PCCA: variants seen among roughly 807,000 people sequenced by gnomAD.
The protein encoded by PCCA is propionyl-CoA carboxylase alpha chain, mitochondrial.
PCCA carries 74 observed loss-of-function variants against 101.3 expected under a neutral mutation model. The ratio of observed to expected loss-of-function variants is 0.73; its 90% CI spans 0.61 to 0.89. The LOEUF (loss-of-function observed/expected upper bound fraction) is 0.89, where lower values mean the gene tolerates loss of function less well. PCCA is among the 40% of genes least tolerant of loss of function. The pLI, the probability that PCCA is intolerant of heterozygous loss-of-function variation, is 0.00. For missense variants in PCCA, 891 were observed against 907.0 expected, an observed-to-expected ratio of 0.98 and a Z score of 0.23; for synonymous variants, 294 against 313.6, an observed-to-expected ratio of 0.94 and a Z score of 0.66.
chr13:100,337,522 A>C (rs2070687501), intron 17 of PCCA, among the ~76,000 whole-genome samples: 1 of 152,246 alleles, frequency 6.6e-6, no homozygotes, highest in South Asian at 2.1e-4. Flanking sequence ...TTGTAAGAAT[A>C]GGTCAGTTAT....
chr13:100,499,392 G>C (rs908642531), intron 21 of PCCA, among the ~76,000 whole-genome samples: 1 of 152,222 alleles, frequency 6.6e-6, no homozygotes, highest in African/African-American at 2.4e-5. Context: ...TTGTGATTCT[G>C]ATGTTGATGA....
intron 21 of PCCA, among the ~76,000 whole-genome samples, chr13:100,497,997 G>A (rs1255899321): frequency 8.6e-5 from 13 of 151,892 alleles, no homozygotes; most frequent in Admixed American, 8.5e-4. Flanking sequence ...AGCCTCATGA[G>A]TAGCTAGGAT....
intron 6 of PCCA, among the ~76,000 whole-genome samples, chr13:100,164,950 C>G (rs1002090228): frequency 1.6e-4 from 25 of 151,950 alleles, no homozygotes; most frequent in African/African-American, 5.8e-4. Flanking sequence ...AAGATTTGTT[C>G]TTTTATGTCT....
At chr13:100,526,354 GGT>G (rs2087813930) in intron 22 of PCCA, among the ~76,000 whole-genome samples, 1 of 152,204 alleles carries the variant, frequency 6.6e-6, no homozygotes, top group African/African-American at 2.4e-5. Flanking sequence ...TCCTCAGCGC[GGT>G]GTCTCTCCTC....
intron 7 of PCCA, among the ~76,000 whole-genome samples, chr13:100,212,529 C>T (rs2059279095): frequency 6.6e-6 from 1 of 152,166 alleles, no homozygotes; most frequent in Non-Finnish European, 1.5e-5. Context: ...GTGGAGAATT[C>T]ACTCAGATAG....
At chr13:100,507,358 C>A (rs1247077221) in intron 21 of PCCA, among the ~76,000 whole-genome samples, 1 of 152,218 alleles carries the variant, frequency 6.6e-6, no homozygotes, top group Non-Finnish European at 1.5e-5. Context: ...GGCACACCTG[C>A]ACACATGGCA....
At chr13:100,243,981 T>C (rs2061299091) in intron 8 of PCCA, among the ~76,000 whole-genome samples, 1 of 152,228 alleles carries the variant, frequency 6.6e-6, no homozygotes, top group African/African-American at 2.4e-5. Context: ...ATTTTGTCTA[T>C]TTCATGCAGC....
intron 4 of PCCA, among the ~76,000 whole-genome samples, chr13:100,128,707 T>A (rs2050200329): frequency 6.6e-6 from 1 of 152,160 alleles, no homozygotes; most frequent in African/African-American, 2.4e-5. Flanking sequence ...TTAAGTCCAG[T>A]GGACATTTTT....
chr13:100,381,968 A>G (rs1169956493), intron 19 of PCCA, among the ~76,000 whole-genome samples: 1 of 152,222 alleles, frequency 6.6e-6, no homozygotes, highest in East Asian at 1.9e-4. Flanking sequence ...GTGACTCCCA[A>G]AGCCCCAGAG....
At chr13:100,222,936 A>C (rs2059909654) in intron 7 of PCCA, among the ~76,000 whole-genome samples, 1 of 152,296 alleles carries the variant, frequency 6.6e-6, no homozygotes, top group Admixed American at 6.5e-5. Flanking sequence ...GGTCTTCTGC[A>C]ACTCTTCTTT....
chr13:100,390,478 G>T (rs1194278335), intron 19 of PCCA, among the ~76,000 whole-genome samples: 1 of 152,162 alleles, frequency 6.6e-6, no homozygotes. Context: ...TTGAACACGG[G>T]TTGAATTGAG....
intron 6 of PCCA, among the ~76,000 whole-genome samples, chr13:100,188,985 C>T (rs567628047): frequency 1.1e-4 from 16 of 151,986 alleles, no homozygotes; most frequent in African/African-American, 3.4e-4. Flanking sequence ...TTTGCTGCAC[C>T]CATCAACCCG....
intron 7 of PCCA, among the ~76,000 whole-genome samples, chr13:100,234,006 G>A (rs1163796503): frequency 1.3e-5 from 2 of 151,872 alleles, no homozygotes; most frequent in Admixed American, 6.6e-5. Context: ...TTGCCTGTTA[G>A]TTCTCTCAAG....
chr13:100,458,752 C>T (rs2081976783), intron 21 of PCCA, among the ~76,000 whole-genome samples: 1 of 152,096 alleles, frequency 6.6e-6, no homozygotes, highest in Non-Finnish European at 1.5e-5. Context: ...AAAATTTGTG[C>T]CTTTATGACC....
rs545099849 is a variant in PCCA, at chr13:100,259,671, T to A, written c.716+1998T>A. Among the ~76,000 whole-genome samples the A allele has an allele frequency of 2.6e-5, 4 of 152,252 alleles. No individual in the cohort carries two copies. The South Asian group carries it at 8.3e-4, about 32-fold the overall frequency. On this transcript the variant is annotated intron_variant, in intron 9 of 23. Transcript: ENST00000376285. ...AAATTTGGGTGAGAATTATGAAGAT[T>A]GTTGAAGGTTCACTTAGATATTTTC...
At chr13:100,426,022 T>C (rs79673237) in intron 20 of PCCA, among the ~76,000 whole-genome samples, 14,771 of 152,190 alleles carry the variant, frequency 0.097, 773 homozygotes, top group South Asian at 0.15. Context: ...TGTTTTTTTT[T>C]TTCCTCTGTG....
At chr13:100,375,505 CT>C (rs1186015471) in intron 19 of PCCA, among the ~76,000 whole-genome samples, 1 of 152,142 alleles carries the variant, frequency 6.6e-6, no homozygotes, top group Non-Finnish European at 1.5e-5. Flanking sequence ...GTCTAAGTCT[CT>C]TTTTAGGTCT....
At chr13:100,492,709 A>G (rs929502835) in intron 21 of PCCA, among the ~76,000 whole-genome samples, 5 of 150,524 alleles carry the variant, frequency 3.3e-5, no homozygotes, top group East Asian at 2.0e-4. Context: ...TCCTGTATCC[A>G]TATAAACCCC....
intron 20 of PCCA, among the ~76,000 whole-genome samples, chr13:100,426,190 T>C (rs1050246696): frequency 2.2e-4 from 33 of 152,210 alleles, no homozygotes; most frequent in Non-Finnish European, 5.9e-5. Context: ...TTATTAATCT[T>C]TCTTTTCGCC....
Sources: gnomAD v4.1 joint callset for allele counts (sites outside exome capture counted in the v4.1 genomes callset) on GRCh38, gnomAD v4.1.1 for gene constraint, MANE v1.5 for transcripts, NCBI Gene and HGNC (gene_info 2026-07-23, HGNC 2026-07-21) for gene names.